The following ABI3BP variants were observed in gnomAD, a reference collection of about 807,000 sequenced individuals.
ABI3BP encodes the protein ABI family member 3 binding protein.
In ABI3BP, 216 loss-of-function variants were observed where a neutral mutation model predicts 268.6. The observed-to-expected ratio is 0.80, with a 90% confidence interval of 0.72 to 0.90. The LOEUF (loss-of-function observed/expected upper bound fraction) is 0.90, where lower values mean the gene tolerates loss of function less well. Ranked by LOEUF, ABI3BP falls within the 40% of genes least tolerant of loss-of-function variation. ABI3BP has a pLI of 0.00. For missense variants in ABI3BP, 2,090 were observed against 2,182.4 expected, an observed-to-expected ratio of 0.96 and a Z score of 0.84; for synonymous variants, 730 against 730.0, an observed-to-expected ratio of 1.00 and a Z score of 0.00.
intron 1 of ABI3BP, among the ~76,000 whole-genome samples, chr3:100,948,944 A>G (rs1242304197): frequency 6.6e-6 from 1 of 152,188 alleles, no homozygotes; most frequent in African/African-American, 2.4e-5. Flanking sequence ...GGAAAAGAGA[A>G]TATTTTTAAA....
intron 66 of ABI3BP, among the ~76,000 whole-genome samples, chr3:100,752,238 T>C (rs1274878536): frequency 6.6e-6 from 1 of 152,200 alleles, no homozygotes; most frequent in Non-Finnish European, 1.5e-5. Context: ...AGAGGTAAGC[T>C]TTAGGAAAAT....
chr3:100,822,491 A>G (rs2152685738), intron 38 of ABI3BP, 98 bp downstream of exon 38: 8 of 1,023,042 alleles, frequency 7.8e-6, no homozygotes, highest in South Asian at 1.5e-5. Context: ...CTTCCCTCTC[A>G]CAGGGGCCTA....
intron 1 of ABI3BP, among the ~76,000 whole-genome samples, chr3:100,953,432 C>T (rs1392131742): frequency 1.3e-5 from 2 of 152,014 alleles, no homozygotes. Flanking sequence ...GGCTAAATAG[C>T]GTGTATGCAA....
intron 14 of ABI3BP, among the ~76,000 whole-genome samples, chr3:100,858,587 G>A (rs12631158): frequency 0.38 from 58,468 of 152,046 alleles, 12,349 homozygotes; most frequent in African/African-American, 0.58. Context: ...GTTGAAAACA[G>A]ATCCAGAAAA....
At chr3:100,773,396 C>A (rs1466671769) in intron 61 of ABI3BP, among the ~76,000 whole-genome samples, 1 of 152,078 alleles carries the variant, frequency 6.6e-6, no homozygotes. Context: ...CAAATTAAAA[C>A]CATAATCAGA....
chr3:100,832,332 T>G lies in ABI3BP; in HGVS notation c.2333A>C (p.Lys778Thr). The G allele has an allele frequency of 6.5e-7, 1 of 1,535,394 alleles. No individual in the cohort carries two copies. Among genetic ancestry groups the G allele is most frequent in the South Asian group, 1.2e-5 (1 of 84,000 alleles). Residue 778 changes from lysine to threonine, a missense_variant, in exon 31 of 68, where the codon AAA becomes ACA. Lys to Thr is a moderately conservative substitution (Grantham distance 78, BLOSUM62 -1). Transcript: ENST00000471714. ...TTTGGGATGTGGACGACGGGTTCTT[T>G]TTGTTGTTGTTGTTGGAGCTGAAGG... is the stretch of plus-strand genomic sequence containing the variant. ...GTSSAPTTTTKRTRRPHPKPK... is the reference protein window; with the variant it reads ...GTSSAPTTTTTRTRRPHPKPK...
chr3:100,911,544 T>C (rs1045120921), intron 2 of ABI3BP: 1 of 586,170 alleles, frequency 1.7e-6, no homozygotes. Flanking sequence ...AAGCATTACA[T>C]ATTTTATCTT....
chr3:100,949,057 G>A (rs969575027), intron 1 of ABI3BP, among the ~76,000 whole-genome samples: 1 of 151,952 alleles, frequency 6.6e-6, no homozygotes, highest in Non-Finnish European at 1.5e-5. Flanking sequence ...ACAAAAATAA[G>A]GTTATACTCC....
At position 100,898,745 on chromosome 3, in the gene ABI3BP, G is replaced by A. The variant is rs986036980; in HGVS notation, c.461+17C>T. On this transcript the variant is annotated intron_variant, in intron 4 of 67. Coordinates refer to ENST00000471714, the MANE Select transcript of ABI3BP (RefSeq NM_001375547.2). Reference sequence around the variant, plus strand: ...AAAGCATGTACAGATGCTATTAAAAGCAAATGCTAATATTACCTGTCATTG... The same window carrying A: ...AAAGCATGTACAGATGCTATTAAAAACAAATGCTAATATTACCTGTCATTG... 6 of 1,610,964 alleles carry A rather than the reference G, an allele frequency of 3.7e-6. 1 individual carries two copies. In the Middle Eastern group the frequency reaches 5.0e-4, roughly 134 times the overall value.
At chr3:100,939,311 T>C (rs994122265) in intron 1 of ABI3BP, among the ~76,000 whole-genome samples, 3 of 152,154 alleles carry the variant, frequency 2.0e-5, no homozygotes, top group African/African-American at 7.2e-5. Flanking sequence ...CATTCAAACA[T>C]CTTTTTATCA....
At chr3:100,837,927 C>G (rs992794628) in intron 26 of ABI3BP, among the ~76,000 whole-genome samples, 1 of 152,096 alleles carries the variant, frequency 6.6e-6, no homozygotes, top group African/African-American at 2.4e-5. Context: ...GTTTCAGATA[C>G]AGAAAACTCA....
chr3:100,776,638 C>T (rs966480932), intron 59 of ABI3BP, among the ~76,000 whole-genome samples: 1 of 152,128 alleles, frequency 6.6e-6, no homozygotes, highest in African/African-American at 2.4e-5. Flanking sequence ...CAAATCTGTA[C>T]CAGTGCCCTC....
chr3:100,879,353 A>C (rs778436140), intron 6 of ABI3BP, among the ~76,000 whole-genome samples: 4 of 152,208 alleles, frequency 2.6e-5, no homozygotes, highest in Non-Finnish European at 2.9e-5. Flanking sequence ...GCAGCTGCAG[A>C]GGCTTTTGAA....
chr3:100,842,127 C>T (rs953070285), intron 20 of ABI3BP, 88 bp from the exon 21 acceptor site: 1 of 1,120,250 alleles, frequency 8.9e-7, no homozygotes, highest in Non-Finnish European at 1.3e-6. Flanking sequence ...AAACGGAGTT[C>T]TCTCCTGGGT....
chr3:100,760,341 T>G (rs1435573051), intron 63 of ABI3BP, among the ~76,000 whole-genome samples: 2 of 151,910 alleles, frequency 1.3e-5, no homozygotes, highest in African/African-American at 4.8e-5. Flanking sequence ...AAGAGAAGAG[T>G]AGGATTAAAG....
At chr3:100,862,694 A>C (rs946228509) in intron 13 of ABI3BP, 144 bp downstream of exon 13, 9 of 636,830 alleles carry the variant, frequency 1.4e-5, no homozygotes, top group Non-Finnish European at 2.3e-5. Context: ...AAATAGATTT[A>C]TTAAAAAAAA....
intron 55 of ABI3BP, among the ~76,000 whole-genome samples, chr3:100,790,989 A>AT (rs906759860): frequency 1.3e-5 from 2 of 151,860 alleles, no homozygotes; most frequent in Non-Finnish European, 2.9e-5. Context: ...TCTAGAAAGA[A>AT]TTTTTTTATA....
At chr3:100,767,943 T>C (rs961113493) in intron 62 of ABI3BP, among the ~76,000 whole-genome samples, 2 of 151,768 alleles carry the variant, frequency 1.3e-5, no homozygotes, top group African/African-American at 4.9e-5. Context: ...CAGTTGGTTA[T>C]GCACCAAAGC....
chr3:100,980,748 C>G (rs761369268), intron 1 of ABI3BP, among the ~76,000 whole-genome samples: 1 of 152,094 alleles, frequency 6.6e-6, no homozygotes, highest in Non-Finnish European at 1.5e-5. Flanking sequence ...GATCTAGTCA[C>G]CAATTACAGG....
Sources: allele counts gnomAD v4.1 joint callset (sites outside exome capture counted in the v4.1 genomes callset), GRCh38; gene constraint gnomAD v4.1.1; transcripts MANE v1.5; gene names NCBI Gene and HGNC (gene_info 2026-07-23, HGNC 2026-07-21).